SGCZ: variants seen among roughly 807,000 people sequenced by gnomAD.
SGCZ encodes the protein sarcoglycan zeta.
In SGCZ, 40 loss-of-function variants were observed where a neutral mutation model predicts 41.3. That is an observed-to-expected ratio of 0.97 (90% confidence interval 0.75 to 1.26). The LOEUF (loss-of-function observed/expected upper bound fraction) is 1.26, where lower values mean the gene tolerates loss of function less well. SGCZ is among the 50% of genes most tolerant of loss of function. The pLI, the probability that SGCZ is intolerant of heterozygous loss-of-function variation, is 0.00. For missense variants in SGCZ, 552 were observed against 369.8 expected (o/e 1.49, Z -4.04); for synonymous variants, 206 against 137.5 (o/e 1.50, Z -3.49).
At chr8:14,123,144 C>T (rs1160605737) in intron 5 of SGCZ, among the ~76,000 whole-genome samples, 1 of 152,128 alleles carries the variant, frequency 6.6e-6, no homozygotes, top group South Asian at 2.1e-4. Flanking sequence ...ACTTAACGTA[C>T]ATTTTAAGCC....
chr8:14,630,910 T>C (rs1049526082), intron 1 of SGCZ, among the ~76,000 whole-genome samples: 8 of 148,802 alleles, frequency 5.4e-5, no homozygotes, highest in African/African-American at 1.7e-4. Flanking sequence ...TTAGGAGATA[T>C]ACCTAATGTA....
At chr8:14,803,662 G>A (rs377245750) in intron 1 of SGCZ, among the ~76,000 whole-genome samples, 159 of 152,070 alleles carry the variant, frequency 1.0e-3, no homozygotes, top group African/African-American at 3.4e-3. Context: ...AGGGGCGCCC[G>A]CCATTGCCCA....
chr8:14,365,890 T>C (rs1163812005), intron 2 of SGCZ, among the ~76,000 whole-genome samples: 1 of 152,148 alleles, frequency 6.6e-6, no homozygotes, highest in Non-Finnish European at 1.5e-5. Context: ...GATACTGCTG[T>C]TCTGTATTTT....
In SGCZ at chr8:14,134,212, T is replaced by A. The variant is rs138186187; in HGVS notation, c.548-25977A>T. On this transcript the variant is annotated intron_variant, in intron 5 of 7. Coordinates refer to ENST00000382080, the MANE Select transcript of SGCZ (RefSeq NM_139167.4). ...AACTTCCATTTTCACTAGGCACAAT[T>A]AGATATTAGATAATAGATATGTGAA... is the stretch of plus-strand genomic sequence containing the variant. Among the ~76,000 whole-genome samples the A allele has an allele frequency of 5.6e-3, 845 of 152,238 alleles. 5 individuals carry two copies. Among genetic ancestry groups the A allele is most frequent in the African/African-American group, 0.019 (804 of 41,546 alleles).
chr8:14,130,618 G>A (rs896621058), intron 5 of SGCZ, among the ~76,000 whole-genome samples: 15 of 152,178 alleles, frequency 9.9e-5, no homozygotes, highest in African/African-American at 2.7e-4. Flanking sequence ...GATAGTGAGG[G>A]TAAGAGAGTC....
At chr8:14,408,954 T>A (rs937338384) in intron 2 of SGCZ, among the ~76,000 whole-genome samples, 50 of 118,940 alleles carry the variant, frequency 4.2e-4, no homozygotes, top group African/African-American at 1.8e-3. Context: ...ATTAAGAGAG[T>A]GTGTGTGTGT....
intron 2 of SGCZ, among the ~76,000 whole-genome samples, chr8:14,412,478 A>C (rs28539573): frequency 2.0e-5 from 3 of 151,718 alleles, no homozygotes; most frequent in Non-Finnish European, 4.4e-5. Flanking sequence ...TTCCAATTAA[A>C]ATAGATAATC....
At chr8:14,446,691 T>G (rs1800441775) in intron 2 of SGCZ, among the ~76,000 whole-genome samples, 1 of 152,234 alleles carries the variant, frequency 6.6e-6, no homozygotes, top group Admixed American at 6.5e-5. Context: ...AGATATAATT[T>G]TGTGAGGAAG....
At chr8:14,173,917 T>C (rs1214109577) in intron 4 of SGCZ, among the ~76,000 whole-genome samples, 1 of 152,072 alleles carries the variant, frequency 6.6e-6, no homozygotes, top group Non-Finnish European at 1.5e-5. Context: ...ACAGACATGC[T>C]AACATACATG....
intron 2 of SGCZ, among the ~76,000 whole-genome samples, chr8:14,367,041 A>G (rs1424698967): frequency 2.6e-5 from 4 of 151,974 alleles, no homozygotes; most frequent in Admixed American, 6.6e-5. Context: ...CAGGCTGCAT[A>G]TTTTCCAAAC....
chr8:14,120,753 T>C (rs1053508690), intron 5 of SGCZ, among the ~76,000 whole-genome samples: 8 of 152,108 alleles, frequency 5.3e-5, no homozygotes, highest in Admixed American at 3.9e-4. Context: ...ATGGAATGAA[T>C]TATTAAATTT....
At chr8:14,872,234 G>C (rs951748457) in intron 1 of SGCZ, among the ~76,000 whole-genome samples, 3 of 151,886 alleles carry the variant, frequency 2.0e-5, no homozygotes, top group Admixed American at 6.6e-5. Context: ...AGGTTGATGG[G>C]TTCAGCAAAC....
intron 2 of SGCZ, among the ~76,000 whole-genome samples, chr8:14,353,894 T>C (rs1391124273): frequency 6.6e-6 from 1 of 152,096 alleles, no homozygotes; most frequent in East Asian, 1.9e-4. Context: ...TTTATTCCTA[T>C]AACCACCCAG....
chr8:14,465,736 T>G (rs1392565936), intron 2 of SGCZ, among the ~76,000 whole-genome samples: 1 of 151,814 alleles, frequency 6.6e-6, no homozygotes, highest in Non-Finnish European at 1.5e-5. Flanking sequence ...TTTGAATTTA[T>G]ATCAGCTTAA....
intron 1 of SGCZ, among the ~76,000 whole-genome samples, chr8:14,640,617 T>TAC (rs764471262): frequency 6.6e-6 from 1 of 150,604 alleles, no homozygotes; most frequent in Non-Finnish European, 1.5e-5. Context: ...CATATATATA[T>TAC]ACACACATAT....
chr8:14,529,007 A>C (rs910122968), intron 2 of SGCZ, among the ~76,000 whole-genome samples: 1 of 152,042 alleles, frequency 6.6e-6, no homozygotes, highest in Non-Finnish European at 1.5e-5. Context: ...AAAATGGCTT[A>C]TGATCCTATT....
chr8:14,176,026 A>G (rs1016361172), intron 4 of SGCZ, among the ~76,000 whole-genome samples: 4 of 152,150 alleles, frequency 2.6e-5, no homozygotes, highest in Non-Finnish European at 4.4e-5. Flanking sequence ...ATCATTATGA[A>G]TGTATGATTT....
intron 1 of SGCZ, among the ~76,000 whole-genome samples, chr8:14,877,236 T>G (rs1293082294): frequency 1.3e-5 from 2 of 152,146 alleles, no homozygotes; most frequent in Admixed American, 1.3e-4. Flanking sequence ...CCTCTCAAAG[T>G]GCTGGGATTA....
At chr8:14,405,604 CA>C (rs138165762) in intron 2 of SGCZ, among the ~76,000 whole-genome samples, 20,393 of 152,018 alleles carry the variant, frequency 0.13, 2,982 homozygotes, top group African/African-American at 0.36. Flanking sequence ...ATTTCAAAAA[CA>C]GATGAAGTAC....
Sources: allele counts gnomAD v4.1 joint callset (sites outside exome capture counted in the v4.1 genomes callset), GRCh38; gene constraint gnomAD v4.1.1; transcripts MANE v1.5; gene names NCBI Gene and HGNC (gene_info 2026-07-23, HGNC 2026-07-21).